The following SAMD12 variants were observed in gnomAD, a reference collection of about 807,000 sequenced individuals.
The protein encoded by SAMD12 is sterile alpha motif domain-containing protein 12.
A neutral mutation model predicts 15.0 loss-of-function variants in SAMD12; 9 were observed. The observed-to-expected ratio is 0.60, with a 90% CI of 0.36 to 1.05. SAMD12 has a LOEUF of 1.05. Ranked by LOEUF, SAMD12 falls within the 50% of genes least tolerant of loss-of-function variation. The pLI, the probability that SAMD12 is intolerant of heterozygous loss-of-function variation, is 0.01. For missense variants in SAMD12, 230 were observed against 234.2 expected (o/e 0.98, Z 0.12); for synonymous variants, 86 against 90.1 (o/e 0.96, Z 0.25).
At chr8:118,283,994 G>GA (rs1813794929) in intron 4 of SAMD12, among the ~76,000 whole-genome samples, 3 of 152,238 alleles carry the variant, frequency 2.0e-5, no homozygotes, top group African/African-American at 7.2e-5. Context: ...CATTCTAGAA[G>GA]GTGTGTGGAC....
intron 3 of SAMD12, among the ~76,000 whole-genome samples, chr8:118,420,484 T>C (rs1340565537): frequency 2.0e-5 from 3 of 152,140 alleles, no homozygotes; most frequent in Admixed American, 6.5e-5. Context: ...TCAAATAACA[T>C]ATTTTGTATT....
chr8:118,509,523 C>T (rs950971605), intron 2 of SAMD12, among the ~76,000 whole-genome samples: 4 of 152,160 alleles, frequency 2.6e-5, no homozygotes, highest in African/African-American at 9.7e-5. Flanking sequence ...CACATCCACA[C>T]ATGTTCTGTT....
intron 2 of SAMD12, among the ~76,000 whole-genome samples, chr8:118,554,450 G>T (rs1302864964): frequency 6.7e-6 from 1 of 149,656 alleles, no homozygotes; most frequent in Non-Finnish European, 1.5e-5. Flanking sequence ...ACCAAACACC[G>T]CATATTCTCA....
At chr8:118,263,876 C>G (rs1355031825) in intron 4 of SAMD12, among the ~76,000 whole-genome samples, 5 of 152,090 alleles carry the variant, frequency 3.3e-5, no homozygotes, top group African/African-American at 1.2e-4. Flanking sequence ...AACGCATAAA[C>G]AGTCCTTATA....
At chr8:118,317,952 C>T (rs111302172) in intron 4 of SAMD12, among the ~76,000 whole-genome samples, 1,913 of 152,020 alleles carry the variant, frequency 0.013, 39 homozygotes, top group African/African-American at 0.04. Flanking sequence ...TAAAAAAGTT[C>T]GACATCACTA....
intron 2 of SAMD12, among the ~76,000 whole-genome samples, chr8:118,545,860 C>A (rs1689633067): frequency 4.6e-5 from 7 of 152,172 alleles, no homozygotes. Flanking sequence ...ACATGCCTGG[C>A]AGGTGGGATG....
intron 4 of SAMD12, among the ~76,000 whole-genome samples, chr8:118,244,312 A>G (rs1472838603): frequency 1.3e-5 from 2 of 152,164 alleles, no homozygotes; most frequent in Non-Finnish European, 2.9e-5. Context: ...GTTAGTAAGG[A>G]GCAGATTGAA....
chr8:118,586,205 G>T (rs1827435024), intron 1 of SAMD12, among the ~76,000 whole-genome samples: 1 of 151,988 alleles, frequency 6.6e-6, no homozygotes, highest in Non-Finnish European at 1.5e-5. Context: ...TACATCATAT[G>T]CTCTTCCTTT....
At chr8:118,135,122 G>A in the SAMD12 span, among the ~76,000 whole-genome samples, 2 of 152,118 alleles carry the variant, frequency 1.3e-5, no homozygotes, top group Non-Finnish European at 2.9e-5. Context: ...CCAGTTAATT[G>A]GTACAATATA....
chr8:118,473,264 C>T (rs1664496044), intron 2 of SAMD12, among the ~76,000 whole-genome samples: 1 of 152,174 alleles, frequency 6.6e-6, no homozygotes, highest in African/African-American at 2.4e-5. Context: ...TGCTCTGTCC[C>T]CTGGTGGTTT....
chr8:118,307,347 T>A (rs747567172), intron 4 of SAMD12, among the ~76,000 whole-genome samples: 1 of 152,174 alleles, frequency 6.6e-6, no homozygotes, highest in Admixed American at 6.5e-5. Flanking sequence ...CTTCCACTCA[T>A]GATTTAGTTG....
At chr8:118,555,470 CT>C (rs1321425939) in intron 2 of SAMD12, among the ~76,000 whole-genome samples, 1 of 152,178 alleles carries the variant, frequency 6.6e-6, no homozygotes, top group African/African-American at 2.4e-5. Context: ...AGGATTTCTC[CT>C]AGTGCATCAC....
chr8:118,420,544 A>G (rs1821948020), intron 3 of SAMD12, among the ~76,000 whole-genome samples: 1 of 152,190 alleles, frequency 6.6e-6, no homozygotes, highest in African/African-American at 2.4e-5. Context: ...TTTTTAGTGG[A>G]AGAGAGAGAA....
intron 2 of SAMD12, among the ~76,000 whole-genome samples, chr8:118,530,484 T>C (rs1434328225): frequency 3.3e-5 from 5 of 152,180 alleles, no homozygotes; most frequent in East Asian, 3.8e-4. Flanking sequence ...TTTTCTGTTA[T>C]TGTATTAGTT....
intron 3 of SAMD12, among the ~76,000 whole-genome samples, chr8:118,393,348 T>C (rs1820382857): frequency 1.3e-5 from 2 of 151,970 alleles, no homozygotes; most frequent in African/African-American, 4.8e-5. Flanking sequence ...CACACCACCA[T>C]GGCCGGCTAG....
exon 5 of SAMD12, chr8:118,191,344 A>C (rs2129727502): frequency 6.6e-6 from 1 of 152,206 alleles, no homozygotes; most frequent in South Asian, 2.1e-4. Flanking sequence ...GAGAGCCCTA[A>C]AATTGCCTAC....
chr8:118,370,947 A>T (rs78018095), intron 4 of SAMD12, among the ~76,000 whole-genome samples: 35,106 of 143,014 alleles, frequency 0.25, 4,282 homozygotes, highest in African/African-American at 0.33. Flanking sequence ...CTTAAATAAA[A>T]TTTTTTTTAA....
chr8:118,373,854 C>T (rs1371612478), downstream of SAMD12, among the ~76,000 whole-genome samples: 3 of 152,136 alleles, frequency 2.0e-5, no homozygotes, highest in Non-Finnish European at 4.4e-5. Flanking sequence ...CTAAAAGGGA[C>T]ACCCCAAAAA....
At chr8:118,212,538 C>A (rs1463396610) in intron 4 of SAMD12, among the ~76,000 whole-genome samples, 2 of 152,158 alleles carry the variant, frequency 1.3e-5, no homozygotes, top group Non-Finnish European at 2.9e-5. Flanking sequence ...ACACCTTCAT[C>A]TACTTGTAAT....
Sources: allele counts gnomAD v4.1 joint callset (sites outside exome capture counted in the v4.1 genomes callset), GRCh38; gene constraint gnomAD v4.1.1; transcripts MANE v1.5; gene names NCBI Gene and HGNC (gene_info 2026-07-23, HGNC 2026-07-21).